PCM1: variants seen among roughly 807,000 people sequenced by gnomAD.
The protein encoded by PCM1 is pericentriolar material 1.
In PCM1, 157 loss-of-function variants were observed where a neutral mutation model predicts 241.9. That is an observed-to-expected ratio of 0.65 (90% CI 0.57 to 0.74). The LOEUF is 0.74. Among genes scored for constraint, PCM1 ranks in the 30% least tolerant of loss-of-function variants. The probability of loss-of-function intolerance (pLI) is 0.00; values close to 1 mark genes in which losing one functional copy is unlikely to be tolerated. For synonymous variants in PCM1, 1,085 were observed against 784.9 expected (o/e 1.38, Z -6.39); for missense variants, 3,478 against 2,360.1 (o/e 1.47, Z -9.81).
chr8:17,972,817 T>C (rs925033893), intron 23 of PCM1, 130 bp downstream of exon 23: 8 of 421,850 alleles, frequency 1.9e-5, no homozygotes, highest in Non-Finnish European at 2.9e-5. Flanking sequence ...TGAACAGTCA[T>C]TTTTAGTTAC....
At chr8:17,999,668 C>G (rs180804580) in intron 29 of PCM1, among the ~76,000 whole-genome samples, 1 of 152,288 alleles carries the variant, frequency 6.6e-6, no homozygotes, top group East Asian at 1.9e-4. Flanking sequence ...CTTTCCTACC[C>G]TCAGTGTCCC....
Position 17,963,285 on chromosome 8 carries a change from C to A in PCM1, c.2648C>A (p.Thr883Lys). Residue 883 changes from threonine to lysine, a missense_variant, in exon 17 of 39, where the codon ACA becomes AAA. Thr to Lys is a moderately conservative substitution (Grantham distance 78). Transcript: ENST00000325083. ...ENLCTPQQSR[T>K]EKTMATWGGS... is the part of the protein sequence containing the mutation. ...CTATGTACTCCTCAGCAAAGTAGAA[C>A]AGAAAAGTAAGAGAGCTGCATAAAT... The A allele has an allele frequency of 6.3e-7, 1 of 1,580,948 alleles. No homozygotes were observed. Among genetic ancestry groups the A allele is most frequent in the Non-Finnish European group, 8.5e-7 (1 of 1,170,490 alleles).
Position 17,980,701 on chromosome 8 carries a change from C to A in PCM1, c.4054C>A (p.His1352Asn). The change falls in exon 24 of 39, where the codon CAT becomes AAT. Residue 1352 changes from histidine (H) to asparagine (N), a missense_variant. By Grantham distance (68) the His-to-Asn change is moderately conservative. Transcript: ENST00000325083. ...AGCAAAAGTATTCAGCAGAAAGAAT[C>A]ATGAGCAACTGGAAAAAATAATAAA... The part of the protein sequence containing the change: ...VQAKVFSRKN[H>N]EQLEKIIKCN... 1 of 1,612,824 alleles carries A rather than the reference C, an allele frequency of 6.2e-7. No individual in the cohort carries two copies. Among genetic ancestry groups the A allele is most frequent in the South Asian group, 1.1e-5 (1 of 91,040 alleles).
intron 23 of PCM1, among the ~76,000 whole-genome samples, chr8:17,976,417 G>T (rs974044362): frequency 5.3e-5 from 8 of 152,184 alleles, no homozygotes; most frequent in African/African-American, 1.9e-4. Context: ...GAGGAAGAAA[G>T]GTCTCATGTT....
At position 17,994,909 on chromosome 8, in the gene PCM1, CT is replaced by C. The variant is rs200940850; in HGVS notation, c.4827+1293del. Among the ~76,000 whole-genome samples, 1,209 of 151,464 alleles carry C rather than the reference CT, an allele frequency of 8.0e-3. 72 individuals are homozygous for C. The highest frequency in any genetic ancestry group is 0.027 in the African/African-American group (1,093 of 40,848). On this transcript the variant is annotated intron_variant, in intron 29 of 38. Transcript: ENST00000325083. ...GATTTTTTCCTATAGAGTTTGAACTCTTTATATATGCTGGTTATTAATCCCT... is the reference window on the plus strand; with the variant it reads ...GATTTTTTCCTATAGAGTTTGAACTCTTATATATGCTGGTTATTAATCCCT...
In PCM1 at chr8:18,009,633, A is replaced by G; in HGVS notation, c.5049A>G (p.Glu1683=). The change falls in exon 31 of 39, where the codon GAA becomes GAG. Residue 1683 remains glutamate, a synonymous_variant. Coordinates refer to ENST00000325083, the MANE Select transcript of PCM1 (RefSeq NM_006197.4). ...AGATATCTGAAGTGTTGTTCAATGA[A>G]TTGGCTTTCTTTAAGCTTATGCAAG... The part of the protein sequence containing the change: ...LVEISEVLFN[E]LAFFKLMQDL... The G allele has an allele frequency of 6.3e-7, 1 of 1,593,508 alleles. No homozygotes were observed. Among genetic ancestry groups the G allele is most frequent in the South Asian group, 1.2e-5 (1 of 86,554 alleles).
At chr8:17,933,268 G>A (rs1385980559) in intron 2 of PCM1, among the ~76,000 whole-genome samples, 2 of 152,082 alleles carry the variant, frequency 1.3e-5, no homozygotes, top group Admixed American at 6.5e-5. Flanking sequence ...GAGGGTTTTT[G>A]TTCCTGAGCT....
At chr8:17,992,901 G>A (rs1003648885) in intron 28 of PCM1, among the ~76,000 whole-genome samples, 1 of 149,288 alleles carries the variant, frequency 6.7e-6, no homozygotes, top group Non-Finnish European at 1.5e-5. Context: ...ACAACTGTGA[G>A]ACACCACACT....
At chr8:17,965,803 G>C (rs1311906225) in intron 18 of PCM1, among the ~76,000 whole-genome samples, 196 bp from the exon 19 acceptor site, 1 of 152,190 alleles carries the variant, frequency 6.6e-6, no homozygotes, top group Non-Finnish European at 1.5e-5. Context: ...AAAAAGACTG[G>C]AGACTAATGA....
chr8:18,014,682 G>T lies in PCM1; in HGVS notation c.5683G>T (p.Val1895Phe), dbSNP rs749736514. The change falls in exon 36 of 39, where the codon GTT (valine) becomes TTT (phenylalanine). Residue 1895 changes from valine (V) to phenylalanine (F), a missense_variant. By Grantham distance (50) the Val-to-Phe change is conservative. Coordinates refer to ENST00000325083, the MANE Select transcript of PCM1 (RefSeq NM_006197.4). ...SAAHKESPPT[V>F]DSTQQPNPLP... ...TGCCCATAAGGAGTCACCTCCTACT[G>T]TTGATTCAACTCAACAGCCTAACCC... The T allele has an allele frequency of 1.5e-5, 24 of 1,613,660 alleles. No individual in the cohort carries two copies. The East Asian group carries it at 5.1e-4, about 34-fold the overall frequency.
intron 13 of PCM1, among the ~76,000 whole-genome samples, chr8:17,958,456 T>C (rs868078198): frequency 6.6e-6 from 1 of 152,290 alleles, no homozygotes; most frequent in Non-Finnish European, 1.5e-5. Flanking sequence ...TGTAAAAATA[T>C]ACAATTATAG....
intron 31 of PCM1, 60 bp from the exon 32 acceptor site, chr8:18,010,549 A>C (rs2092328674): frequency 1.6e-6 from 2 of 1,280,306 alleles, no homozygotes; most frequent in African/African-American, 1.5e-5. Flanking sequence ...AGACATGAGA[A>C]ATGCTAAATT....
In PCM1 at chr8:17,929,486, A is replaced by T. The variant is rs566228900; in HGVS notation, c.-23+4706A>T. Among the ~76,000 whole-genome samples, 165 of 152,224 alleles carry T rather than the reference A, an allele frequency of 1.1e-3. 1 individual carries two copies. The highest frequency in any genetic ancestry group is 3.9e-3 in the African/African-American group (162 of 41,548). On this transcript the variant is annotated intron_variant, in intron 2 of 38. Transcript: ENST00000325083. ...CGCTATTTGTCAACCGGACAATTTT[A>T]TTGGGTGTATTATAGGCACATCAAA...
chr8:17,935,273 T>A (rs2060101021), intron 2 of PCM1, among the ~76,000 whole-genome samples: 1 of 152,228 alleles, frequency 6.6e-6, no homozygotes, highest in South Asian at 2.1e-4. Flanking sequence ...TTTATGACAC[T>A]TTTCCTACTT....
intron 24 of PCM1, among the ~76,000 whole-genome samples, chr8:17,982,199 A>G (rs531024051): frequency 3.3e-5 from 5 of 152,252 alleles, no homozygotes; most frequent in Admixed American, 6.5e-5. Flanking sequence ...AAAAATATCA[A>G]TCCTATTCTT....
At position 17,966,021 on chromosome 8, in the gene PCM1, T is replaced by C. The variant is rs2074743312; in HGVS notation, c.2878T>C (p.Ser960Pro). 1.9e-6 allele frequency: 3 copies of C among 1,611,496 alleles called. No homozygotes were observed. The highest frequency in any genetic ancestry group is 2.7e-5 in the African/African-American group (2 of 74,846). ...TAGGTGGAAGAACAATTGCCCTTTT[T>C]CGGCAGATGAAAATTATCGTCCTTT... ...KNRWKNNCPF[S>P]ADENYRPLAK... The change falls in exon 19 of 39, where the codon TCG (serine) becomes CCG (proline). Residue 960 changes from serine to proline, a missense_variant. Ser to Pro is a moderately conservative substitution (Grantham distance 74). Coordinates refer to ENST00000325083, the MANE Select transcript of PCM1 (RefSeq NM_006197.4).
chr8:18,000,144 G>C lies in PCM1; in HGVS notation c.4828-6119G>C, dbSNP rs544024179. ...AAGTAGAGATGTGACTAAGGAGCCA[G>C]TGTAAACCAGGATTGTTCTAGACAG... is the stretch of plus-strand genomic sequence containing the variant. On this transcript the variant is annotated intron_variant, in intron 29 of 38. Coordinates refer to ENST00000325083, the MANE Select transcript of PCM1 (RefSeq NM_006197.4). 1.7e-3 allele frequency among the ~76,000 whole-genome samples: 265 copies of C among 152,336 alleles called. 2 individuals are homozygous for C. Among genetic ancestry groups the C allele is most frequent in the African/African-American group, 6.1e-3 (253 of 41,578 alleles).
chr8:17,959,695 T>C (rs540862722), intron 13 of PCM1, among the ~76,000 whole-genome samples: 1 of 152,318 alleles, frequency 6.6e-6, no homozygotes, highest in South Asian at 2.1e-4. Flanking sequence ...CAGTGGTATG[T>C]GAGAGTTCGT....
At chr8:17,997,960 C>T (rs1280205584) in intron 29 of PCM1, among the ~76,000 whole-genome samples, 2 of 151,042 alleles carry the variant, frequency 1.3e-5, no homozygotes, top group Non-Finnish European at 2.9e-5. Context: ...CGCTTGAACC[C>T]GGGAGGCGGA....
Sources: allele counts gnomAD v4.1 joint callset (sites outside exome capture counted in the v4.1 genomes callset), GRCh38; gene constraint gnomAD v4.1.1; transcripts MANE v1.5; gene names NCBI Gene and HGNC (gene_info 2026-07-23, HGNC 2026-07-21).